The following PELI3 variants were observed in gnomAD, a reference collection of about 807,000 sequenced individuals.
PELI3 encodes the protein E3 ubiquitin-protein ligase pellino homolog 3.
Under a neutral mutation model 35.5 loss-of-function variants are expected in PELI3, and 19 were observed. The observed-to-expected ratio is 0.54, with a 90% CI of 0.37 to 0.79. The LOEUF is 0.79. Among genes scored for constraint, PELI3 ranks in the 30% least tolerant of loss-of-function variants. The pLI is 0.00. For missense variants in PELI3, 490 were observed against 661.2 expected, an observed-to-expected ratio of 0.74 and a Z score of 2.84; for synonymous variants, 262 against 279.2, an observed-to-expected ratio of 0.94 and a Z score of 0.62.
At chr11:66,469,804 G>GTTTTT (rs1330000663) in intron 3 of PELI3, among the ~76,000 whole-genome samples, 1 of 129,958 alleles carries the variant, frequency 7.7e-6, no homozygotes, top group Non-Finnish European at 1.6e-5. Flanking sequence ...TTTTTTTTTT[G>GTTTTT]TTTTTTTTTT....
chr11:66,472,099 C>A (rs1854741558), intron 4 of PELI3, among the ~76,000 whole-genome samples: 1 of 150,704 alleles, frequency 6.6e-6, no homozygotes, highest in East Asian at 2.0e-4. Flanking sequence ...GTCTTGAACT[C>A]CTGACCTCAA....
At position 66,468,204 on chromosome 11, in the gene PELI3, T is replaced by A; in HGVS notation, c.76T>A (p.Cys26Ser). ...DLQHRGNKGSCVLSSPGEDAQ... is the reference protein window; with the variant it reads ...DLQHRGNKGSSVLSSPGEDAQ... ...CCAGCACCGGGGGAACAAGGGCTCT[T>A]GCGTTCTCTCCTCTCCCGGTGAAGA... The change falls in exon 2 of 8, where the codon TGC becomes AGC. Residue 26 changes from cysteine to serine, a missense_variant. Cys to Ser is a moderately radical substitution (Grantham distance 112). Transcript: ENST00000320740. The A allele has an allele frequency of 6.2e-7, 1 of 1,606,508 alleles. No homozygotes were observed. Among genetic ancestry groups the A allele is most frequent in the Non-Finnish European group, 8.5e-7 (1 of 1,176,000 alleles).
rs953453116 is a variant in PELI3, at chr11:66,476,329, A to G, written c.*162A>G. On this transcript the variant is annotated 3_prime_UTR_variant, in exon 8 of 8. Transcript: ENST00000320740. ...CCTTCCCCCCAACTGTGGCCCCCCA[A>G]GGAGGTCCCCAAGATCTCCACCCCA... 3 of 751,030 alleles carry G rather than the reference A, an allele frequency of 4.0e-6. No individual in the cohort carries two copies. The highest frequency in any genetic ancestry group is 6.2e-6 in the Non-Finnish European group (3 of 480,260). 46.5% of individuals were successfully genotyped at this position (751,030 alleles called of 1,614,324 possible).
Position 66,476,421 on chromosome 11 carries a change from G to A in PELI3, c.*254G>A. 1.8e-6 allele frequency: 1 copy of A among 540,836 alleles called. No homozygotes were observed. Among genetic ancestry groups the A allele is most frequent in the Non-Finnish European group, 3.3e-6 (1 of 305,940 alleles). 33.5% of individuals were successfully genotyped at this position (540,836 alleles called of 1,614,324 possible). On this transcript the variant is annotated 3_prime_UTR_variant, in exon 8 of 8. Coordinates refer to ENST00000320740, the MANE Select transcript of PELI3 (RefSeq NM_145065.3). ...CGATGGAGGAAAGCCCAGCCCCATG[G>A]CCTTGCCCTTCCTGGGGCATCCCAC... is the stretch of plus-strand genomic sequence containing the variant.
chr11:66,475,715 GC>G lies in PELI3; in HGVS notation c.961del (p.Gln321SerfsTer255). The G allele has an allele frequency of 6.2e-7, 1 of 1,612,208 alleles. No individual in the cohort carries two copies. The highest frequency in any genetic ancestry group is 8.5e-7 in the Non-Finnish European group (1 of 1,179,700). The stretch of plus-strand genomic sequence containing the variant: ...GGCTCCCACACTGAAGCAACTGGAG[GC>G]CCAGCGGCAGGAGGCAAATGCAGCG... ...LRAPTLKQLE[A>X]QRQEANAARP... is the part of the protein sequence containing the mutation. On this transcript the variant is annotated frameshift_variant, in exon 8 of 8. Coordinates refer to ENST00000320740, the MANE Select transcript of PELI3 (RefSeq NM_145065.3). LOFTEE classifies it high-confidence loss of function.
intron 2 of PELI3, among the ~76,000 whole-genome samples, chr11:66,468,581 T>C (rs527599448): frequency 6.6e-6 from 1 of 152,350 alleles, no homozygotes; most frequent in African/African-American, 2.4e-5. Context: ...GGTGAAGAAC[T>C]CTGGTTCTCC....
intron 7 of PELI3, chr11:66,474,381 T>G: frequency 2.5e-6 from 1 of 402,064 alleles, no homozygotes. Flanking sequence ...TTACAGTAGT[T>G]CTGACACAGG....
At position 66,471,315 on chromosome 11, in the gene PELI3, G is replaced by A. The variant is rs765259249; in HGVS notation, c.298G>A (p.Ala100Thr). 3.1e-6 allele frequency: 5 copies of A among 1,613,990 alleles called. No individual in the cohort carries two copies. The highest frequency in any genetic ancestry group is 1.7e-5 in the Admixed American group (1 of 60,018). The part of the protein sequence containing the change: ...SRLALSRRSH[A>T]NGVKPDVMHH... ...CCTGGCACTGAGCCGCCGGTCGCAC[G>A]CCAACGGGGTGAAGCCAGACGTCAT... The change falls in exon 4 of 8, where the codon GCC becomes ACC. Residue 100 changes from alanine (A) to threonine (T), a missense_variant. Physicochemically the swap from Ala to Thr is moderately conservative, Grantham distance 58. Around this residue, in one of 3 missense-constraint regions of PELI3, gnomAD observed 137 missense variants for 157.1 expected, o/e 0.87. Transcript: ENST00000320740.
At position 66,476,143 on chromosome 11, in the gene PELI3, C is replaced by A; in HGVS notation, c.1386C>A (p.Leu462=). The change falls in exon 8 of 8, where the codon CTC becomes CTA. Residue 462 remains leucine (L), a synonymous_variant. Transcript: ENST00000320740. The part of the protein sequence containing the change: ...WLTGEHGCVR[L]IFQGPLD ...CCGGCGAGCATGGCTGCGTCCGCCTCATTTTCCAGGGCCCGCTGGATTAGG... is the reference window on the plus strand; with the variant it reads ...CCGGCGAGCATGGCTGCGTCCGCCTAATTTTCCAGGGCCCGCTGGATTAGG... 2 of 1,565,002 alleles carry A rather than the reference C, an allele frequency of 1.3e-6. No homozygotes were observed. Among genetic ancestry groups the A allele is most frequent in the East Asian group, 2.3e-5 (1 of 42,600 alleles).
Position 66,473,213 on chromosome 11 carries a change from T to A in PELI3, c.457-28T>A. The stretch of plus-strand genomic sequence containing the variant: ...ATGAGAGTCCCCTATGTACATACAG[T>A]CCCTGCTTGCTCTCCCTGTCCTCAC... On this transcript the variant is annotated intron_variant, in intron 5 of 7. Transcript: ENST00000320740. The surrounding 1 kb of genome is among the most constrained non-coding windows in gnomAD (Gnocchi z 5.8). 2 of 1,581,698 alleles carry A rather than the reference T, an allele frequency of 1.3e-6. No homozygotes were observed. Among genetic ancestry groups the A allele is most frequent in the Non-Finnish European group, 8.6e-7 (1 of 1,161,770 alleles).
chr11:66,467,737 A>T lies in PELI3; in HGVS notation c.-1-391A>T, dbSNP rs1158201366. Among the ~76,000 whole-genome samples the T allele has an allele frequency of 6.6e-6, 1 of 152,208 alleles. No individual in the cohort carries two copies. Among genetic ancestry groups the T allele is most frequent in the African/African-American group, 2.4e-5 (1 of 41,460 alleles). On this transcript the variant is annotated intron_variant, in intron 1 of 7. Transcript: ENST00000320740. The surrounding 1 kb of genome is among the most constrained non-coding windows in gnomAD (Gnocchi z 4.2). ...GGTAGATTCAAAGAACCTGTCAGAG[A>T]GGCTAAATCAGAGGTCCAGAGGCTA...
chr11:66,469,482 TC>T (rs1854642644), intron 3 of PELI3, among the ~76,000 whole-genome samples: 1 of 152,220 alleles, frequency 6.6e-6, no homozygotes, highest in Non-Finnish European at 1.5e-5. Flanking sequence ...CTGTCCCACC[TC>T]AAGACCTGCC....
rs148294193 is a variant in PELI3 at position 66,468,243 on chromosome 11, G to A, written c.115G>A (p.Glu39Lys). 1.3e-6 allele frequency: 2 copies of A among 1,588,658 alleles called. No homozygotes were observed. The highest frequency in any genetic ancestry group is 1.7e-5 in the Admixed American group (1 of 57,852). The change falls in exon 2 of 8, where the codon GAG becomes AAG. Residue 39 changes from glutamate (E) to lysine (K), a missense_variant. Physicochemically the swap from Glu to Lys is moderately conservative, Grantham distance 56. Coordinates refer to ENST00000320740, the MANE Select transcript of PELI3 (RefSeq NM_145065.3). ...SSPGEDAQPG[E>K]EPIKYGELIV... ...TCCCGGTGAAGATGCGCAGCCAGGCGAGGAGCCCATCAAGTATGGTGAACT... is the reference window on the plus strand; with the variant it reads ...TCCCGGTGAAGATGCGCAGCCAGGCAAGGAGCCCATCAAGTATGGTGAACT...
intron 4 of PELI3, among the ~76,000 whole-genome samples, 197 bp from the exon 5 acceptor site, chr11:66,472,172 C>A (rs1244663503): frequency 6.6e-6 from 1 of 152,116 alleles, no homozygotes; most frequent in Admixed American, 6.5e-5. Flanking sequence ...CCGCACCCAG[C>A]CTGATAACCC....
Position 66,475,889 on chromosome 11 carries a change from G to T in PELI3, c.1132G>T (p.Gly378Cys). The T allele has an allele frequency of 6.2e-7, 1 of 1,606,748 alleles. No homozygotes were observed. Among genetic ancestry groups the T allele is most frequent in the Non-Finnish European group, 8.5e-7 (1 of 1,177,396 alleles). ...YHGWGCRRERGPQERECPLCR... is the reference protein window; with the variant it reads ...YHGWGCRRERCPQERECPLCR... ...CGGCTGGGGCTGCCGGCGGGAGCGG[G>T]GCCCCCAGGAGCGCGAATGTCCTCT... Residue 378 changes from glycine (G) to cysteine (C), a missense_variant, in exon 8 of 8, where the codon GGC (glycine) becomes TGC (cysteine). Transcript: ENST00000320740.
rs755175557 is a variant in PELI3 at position 66,473,740 on chromosome 11, C to T, written c.655C>T (p.Arg219Ter). 3 of 1,613,610 alleles carry T rather than the reference C, an allele frequency of 1.9e-6. No homozygotes were observed. Among genetic ancestry groups the T allele is most frequent in the Non-Finnish European group, 2.5e-6 (3 of 1,179,940 alleles). Residue 219 changes from arginine (R) to a stop codon, truncating the protein, a stop_gained, in exon 7 of 8, where the codon CGA (arginine) becomes TGA (stop). Coordinates refer to ENST00000320740, the MANE Select transcript of PELI3 (RefSeq NM_145065.3). LOFTEE classifies it high-confidence loss of function. This position sits in a 1 kb window ranked among gnomAD's most constrained non-coding sequence, Gnocchi z 5.8. ...CTGATCCCTCATGTGGTCCCAGGAGCGAGCGGCCAAATGGCGGACCCCAGA... is the reference window on the plus strand; with the variant it reads ...CTGATCCCTCATGTGGTCCCAGGAGTGAGCGGCCAAATGGCGGACCCCAGA... ...DASSNIFLGE[R>*]AAKWRTPDGL...
chr11:66,472,494 C>A, intron 5 of PELI3, 24 bp downstream of exon 5: 1 of 1,589,752 alleles, frequency 6.3e-7, no homozygotes, highest in Non-Finnish European at 8.6e-7. Flanking sequence ...TCTCCACACA[C>A]CTCCTGGCCA....
At chr11:66,474,671 G>A (rs1489538373) in intron 7 of PELI3, 1 of 152,398 alleles carries the variant, frequency 6.6e-6, no homozygotes, top group Non-Finnish European at 1.5e-5. Flanking sequence ...TACTCTTCTT[G>A]AGCACTATTT....
At position 66,476,275 on chromosome 11, in the gene PELI3, A is replaced by G; in HGVS notation, c.*108A>G. 1 of 1,201,550 alleles carries G rather than the reference A, an allele frequency of 8.3e-7. No homozygotes were observed. Among genetic ancestry groups the G allele is most frequent in the South Asian group, 1.5e-5 (1 of 65,158 alleles). The allele number at this position is 1,201,550 out of a possible 1,614,324, so 74.4% of individuals were successfully genotyped here. A position where few individuals can be genotyped will look rare whatever the true frequency, so the allele number is the denominator to read the frequency against. On this transcript the variant is annotated 3_prime_UTR_variant, in exon 8 of 8. Coordinates refer to ENST00000320740, the MANE Select transcript of PELI3 (RefSeq NM_145065.3). ...GGACACTCCCTGCTGGCACAGCCAC[A>G]CCAGATGGACATGTTGGATGGGCTG...
Sources: allele counts gnomAD v4.1 joint callset (sites outside exome capture counted in the v4.1 genomes callset), GRCh38; gene constraint gnomAD v4.1.1; regional missense constraint gnomAD v4.1.1; non-coding constraint Gnocchi (gnomAD v3.1); transcripts MANE v1.5; gene names NCBI Gene and HGNC (gene_info 2026-07-23, HGNC 2026-07-21).